ICE2: variants seen among roughly 807,000 people sequenced by gnomAD.
ICE2 encodes the protein interactor of little elongation complex ELL subunit 2, also known as little elongation complex subunit 2.
A neutral mutation model predicts 105.4 loss-of-function variants in ICE2; 87 were observed. The ratio of observed to expected loss-of-function variants is 0.83; its 90% CI spans 0.69 to 0.99. ICE2 has a LOEUF of 0.99. ICE2 is among the 50% of genes least tolerant of loss of function. ICE2 has a pLI of 0.00. For synonymous variants in ICE2, 399 were observed against 392.0 expected (o/e 1.02, Z -0.21); for missense variants, 1,323 against 1,146.7 (o/e 1.15, Z -2.22).
In ICE2 at chr15:60,428,732, A is replaced by G. The variant is rs2063391700; in HGVS notation, c.2562-45T>C. The G allele has an allele frequency of 6.3e-6, 10 of 1,581,394 alleles. 1 individual carries two copies. In the East Asian group the frequency reaches 2.3e-4, roughly 36 times the overall value. The stretch of plus-strand genomic sequence containing the variant: ...CTCAACCCACTGGCTCACTGTGTCA[A>G]TTTCAACATCACTTTCTTAATCATA... On this transcript the variant is annotated intron_variant, in intron 14 of 15. Transcript: ENST00000261520.
intron 12 of ICE2, chr15:60,439,552 T>C (rs966542675): frequency 1.3e-5 from 2 of 152,150 alleles, no homozygotes; most frequent in Non-Finnish European, 2.9e-5. Context: ...CAGCTAATTT[T>C]TTACATTTTA....
intron 11 of ICE2, chr15:60,445,825 A>G (rs765972678): frequency 2.0e-5 from 19 of 970,798 alleles, no homozygotes; most frequent in Non-Finnish European, 2.3e-5. Context: ...ATGGGTTCAC[A>G]GAGTAGGAAG....
chr15:60,421,841 T>A lies in ICE2; in HGVS notation c.*1793A>T, dbSNP rs2063244749. ...GGAAATGATTTATCAAGATACAATT[T>A]TACTAATAATTACTTCTCAAATAAC... On this transcript the variant is annotated 3_prime_UTR_variant, in exon 16 of 16. Transcript: ENST00000261520. 6.6e-6 allele frequency: 1 copy of A among 152,154 alleles called. No individual in the cohort carries two copies. Among genetic ancestry groups the A allele is most frequent in the South Asian group, 2.1e-4 (1 of 4,824 alleles). The allele number at this position is 152,154 out of a possible 1,614,324, so 9.4% of individuals were successfully genotyped here. A position where few individuals can be genotyped will look rare whatever the true frequency, so the allele number is the denominator to read the frequency against.
intron 9 of ICE2, chr15:60,453,268 T>C: frequency 9.6e-7 from 1 of 1,037,108 alleles, no homozygotes. Context: ...TGAGACCAAT[T>C]AAACAAAACC....
rs997665520 is a variant in ICE2 at position 60,428,997 on chromosome 15, T to C, written c.2562-310A>G. Among the ~76,000 whole-genome samples, 16 of 152,238 alleles carry C rather than the reference T, an allele frequency of 1.1e-4. No homozygotes were observed. The East Asian group carries it at 3.1e-3, about 29-fold the overall frequency. ...CTAATTCTCTAATCCATAGATTAGA[T>C]ATTTATAGGTATCTATACTGAAAAG... is the stretch of plus-strand genomic sequence containing the variant. On this transcript the variant is annotated intron_variant, in intron 14 of 15. Coordinates refer to ENST00000261520, the MANE Select transcript of ICE2 (RefSeq NM_024611.6).
chr15:60,453,453 T>C, intron 9 of ICE2, 150 bp downstream of exon 9: 2 of 1,413,686 alleles, frequency 1.4e-6, no homozygotes, highest in Non-Finnish European at 9.2e-7. Flanking sequence ...GTTAGTTGCC[T>C]AAAGTCCAGC....
chr15:60,465,712 A>G (rs78743707), intron 5 of ICE2, among the ~76,000 whole-genome samples: 1,636 of 73,492 alleles, frequency 0.022, 35 homozygotes, highest in African/African-American at 0.068. Context: ...GTGTGTGTGT[A>G]TATATATATA....
At chr15:60,450,505 T>G (rs1043767757) in intron 9 of ICE2, among the ~76,000 whole-genome samples, 3 of 152,218 alleles carry the variant, frequency 2.0e-5, no homozygotes, top group Non-Finnish European at 2.9e-5. Flanking sequence ...TATTCAGGAC[T>G]ACACTGTCCC....
chr15:60,477,586 T>C (rs2064800402), intron 2 of ICE2, among the ~76,000 whole-genome samples: 1 of 152,232 alleles, frequency 6.6e-6, no homozygotes, highest in African/African-American at 2.4e-5. Context: ...GCATGTCTAT[T>C]CTTAAAGAGG....
At chr15:60,428,066 T>C (rs1034214914) in intron 15 of ICE2, among the ~76,000 whole-genome samples, 1 of 152,178 alleles carries the variant, frequency 6.6e-6, no homozygotes, top group African/African-American at 2.4e-5. Context: ...GCAAATTGCC[T>C]AAAATACTTA....
At chr15:60,457,000 A>C (rs2064145111) in intron 5 of ICE2, among the ~76,000 whole-genome samples, 1 of 152,202 alleles carries the variant, frequency 6.6e-6, no homozygotes, top group Non-Finnish European at 1.5e-5. Context: ...TACTAAAATT[A>C]GCAGTCTCAT....
intron 6 of ICE2, 52 bp from the exon 7 acceptor site, chr15:60,455,494 C>T: frequency 8.6e-7 from 1 of 1,163,926 alleles, no homozygotes; most frequent in Non-Finnish European, 1.3e-6. Flanking sequence ...TGTATTTTTT[C>T]TAAGAAAAGT....
intron 15 of ICE2, among the ~76,000 whole-genome samples, chr15:60,427,793 G>T (rs2063369501): frequency 6.6e-6 from 1 of 152,170 alleles, no homozygotes; most frequent in Admixed American, 6.6e-5. Flanking sequence ...ACATAGCAGA[G>T]AATAACTCTA....
At chr15:60,452,244 T>TA in intron 9 of ICE2, 1 of 926,006 alleles carries the variant, frequency 1.1e-6, no homozygotes, top group Non-Finnish European at 1.3e-6. Flanking sequence ...GAGAAAAACA[T>TA]AAACAAATAT....
At position 60,431,987 on chromosome 15, in the gene ICE2, G is replaced by A; in HGVS notation, c.2511-3C>T. The A allele has an allele frequency of 7.2e-7, 1 of 1,391,704 alleles. No homozygotes were observed. Among genetic ancestry groups the A allele is most frequent in the Non-Finnish European group, 1.0e-6 (1 of 995,714 alleles). The allele number at this position is 1,391,704 out of a possible 1,614,324, so 86.2% of individuals were successfully genotyped here. A position where few individuals can be genotyped will look rare whatever the true frequency, so the allele number is the denominator to read the frequency against. ...GGATGTTAAATAAATTGGAAATCCT[G>A]ATAAACAAAAGAAATTCATGTAAAA... is the stretch of plus-strand genomic sequence containing the variant. On this transcript the variant is annotated splice_polypyrimidine_tract_variant and splice_region_variant and intron_variant, in intron 13 of 15. Coordinates refer to ENST00000261520, the MANE Select transcript of ICE2 (RefSeq NM_024611.6).
chr15:60,444,771 A>G lies in ICE2; in HGVS notation c.2296-2226T>C, dbSNP rs576596583. On this transcript the variant is annotated intron_variant, in intron 11 of 15. Coordinates refer to ENST00000261520, the MANE Select transcript of ICE2 (RefSeq NM_024611.6). ...GCAATCTCAGCTCACTGCAACTTCC[A>G]CCTCCTGGGTTCAAGCGATTCTCCT... is the stretch of plus-strand genomic sequence containing the variant. Among the ~76,000 whole-genome samples the G allele has an allele frequency of 1.4e-4, 21 of 151,738 alleles. 1 individual carries two copies. Among genetic ancestry groups the G allele is most frequent in the South Asian group, 1.3e-3 (6 of 4,786 alleles).
At chr15:60,461,482 T>G (rs2141117328) in intron 5 of ICE2, among the ~76,000 whole-genome samples, 1 of 152,284 alleles carries the variant, frequency 6.6e-6, no homozygotes, top group Admixed American at 6.5e-5. Context: ...AAATTAAATG[T>G]GGATTTAAAA....
At chr15:60,427,321 A>G (rs1185913597) in intron 15 of ICE2, among the ~76,000 whole-genome samples, 1 of 152,264 alleles carries the variant, frequency 6.6e-6, no homozygotes, top group African/African-American at 2.4e-5. Context: ...TGACTCAGAC[A>G]ATAATTCTGA....
intron 3 of ICE2, among the ~76,000 whole-genome samples, chr15:60,475,083 C>T (rs140006082): frequency 1.4e-3 from 208 of 152,290 alleles, no homozygotes; most frequent in South Asian, 5.8e-3. Flanking sequence ...TGGGGAGATA[C>T]GTTTCCTCCA....
Sources: allele counts gnomAD v4.1 joint callset (sites outside exome capture counted in the v4.1 genomes callset), GRCh38; gene constraint gnomAD v4.1.1; transcripts MANE v1.5; gene names NCBI Gene and HGNC (gene_info 2026-07-23, HGNC 2026-07-21).